Variants in ZFP30 observed in about 807,000 individuals in gnomAD.
ZFP30 encodes the protein ZFP30 zinc finger protein.
ZFP30 carries 16 observed loss-of-function variants against 12.3 expected under a neutral mutation model. That is an observed-to-expected ratio of 1.30 (90% CI 0.88 to 1.98). The LOEUF is 1.98. ZFP30 is among the 30% of genes most tolerant of loss of function. The pLI, the probability that ZFP30 is intolerant of heterozygous loss-of-function variation, is 0.00. For synonymous variants in ZFP30, 172 were observed against 201.0 expected (o/e 0.86, Z 1.22); for missense variants, 560 against 611.2 (o/e 0.92, Z 0.88).
chr19:37,637,037 C>T lies in ZFP30; in HGVS notation c.236-732G>A, dbSNP rs191740356. On this transcript the variant is annotated intron_variant, in intron 5 of 5. Transcript: ENST00000684514. ...AATCTTTCCACTTTTTGGAGCTTTT[C>T]ACTGGCTATTAAATCTCCCAGGAAT... Among the ~76,000 whole-genome samples, 11 of 151,992 alleles carry T rather than the reference C, an allele frequency of 7.2e-5. No individual in the cohort carries two copies. The East Asian group carries it at 2.1e-3, about 30-fold the overall frequency.
rs1264738349 is a variant in ZFP30 at position 37,631,455 on chromosome 19, T to C, written c.*3526A>G. On this transcript the variant is annotated 3_prime_UTR_variant, in exon 6 of 6. Transcript: ENST00000684514. ...AAATGCTATCAAGTTTCATATTCCA[T>C]TTGAGAAATGGAATATAATGATGTA... is the stretch of plus-strand genomic sequence containing the variant. 6.6e-6 allele frequency: 1 copy of C among 152,160 alleles called. No individual in the cohort carries two copies. Among genetic ancestry groups the C allele is most frequent in the Admixed American group, 6.6e-5 (1 of 15,264 alleles). The allele number at this position is 152,160 out of a possible 1,614,324, so 9.4% of individuals were successfully genotyped here.
intron 4 of ZFP30, among the ~76,000 whole-genome samples, chr19:37,643,805 T>C (rs1409839947): frequency 6.6e-6 from 1 of 152,178 alleles, no homozygotes; most frequent in Non-Finnish European, 1.5e-5. Context: ...GAAAAATAAG[T>C]TTCTTGCCAG....
chr19:37,645,779 G>GGT (rs1404430642), intron 3 of ZFP30, among the ~76,000 whole-genome samples: 1 of 150,664 alleles, frequency 6.6e-6, no homozygotes, highest in Non-Finnish European at 1.5e-5. Flanking sequence ...AATAATTGAT[G>GGT]GTATTCTCCC....
At chr19:37,653,419 C>T (rs1407179466) in intron 2 of ZFP30, among the ~76,000 whole-genome samples, 2 of 152,090 alleles carry the variant, frequency 1.3e-5, no homozygotes, top group Admixed American at 6.5e-5. Flanking sequence ...CATTAAATAC[C>T]TAGCAATTTA....
intron 5 of ZFP30, among the ~76,000 whole-genome samples, chr19:37,637,895 A>AT (rs572042837): frequency 1.4e-4 from 21 of 152,144 alleles, no homozygotes; most frequent in Non-Finnish European, 2.4e-4. Context: ...GGCAGAAACA[A>AT]TTTTTCACTC....
chr19:37,651,277 G>A (rs1191100788), intron 2 of ZFP30, among the ~76,000 whole-genome samples: 2 of 151,760 alleles, frequency 1.3e-5, no homozygotes, highest in Non-Finnish European at 2.9e-5. Context: ...GAAGCTCCTG[G>A]TATAAAATAG....
chr19:37,638,983 A>C (rs1568381407), intron 5 of ZFP30, among the ~76,000 whole-genome samples: 1 of 152,214 alleles, frequency 6.6e-6, no homozygotes, highest in Admixed American at 6.5e-5. Context: ...TTACTTTTAA[A>C]AAGTATACGC....
Position 37,635,459 on chromosome 19 carries a change from T to C in ZFP30, c.1082A>G (p.Lys361Arg), listed in dbSNP as rs1409944830. Residue 361 changes from lysine to arginine, a missense_variant, in exon 6 of 6, where the codon AAG (lysine) becomes AGG (arginine). Lys to Arg is a conservative substitution (Grantham distance 26). Coordinates refer to ENST00000684514, the MANE Select transcript of ZFP30 (RefSeq NM_001320669.3). ...TAGATGATAGCCACGACTGAAAGTC[T>C]TCCCACATTCCTTACAATCATAAGG... Reference protein sequence around the residue: ...EKPYDCKECGKTFSRGYHLTL... With the variant: ...EKPYDCKECGRTFSRGYHLTL... 6.2e-7 allele frequency: 1 copy of C among 1,614,206 alleles called. No homozygotes were observed. Among genetic ancestry groups the C allele is most frequent in the East Asian group, 2.2e-5 (1 of 44,878 alleles).
Position 37,635,254 on chromosome 19 carries a change from C to CT in ZFP30, c.1286dup (p.Ser430GlufsTer6). 1 of 1,614,122 alleles carries CT rather than the reference C, an allele frequency of 6.2e-7. No homozygotes were observed. The highest frequency in any genetic ancestry group is 2.2e-5 in the East Asian group (1 of 44,882). ...AGGGTTTCTCACCAAAATGAATACTCTGATGTTGAGTAAGCTGTGAGAACA... is the reference window on the plus strand; with the variant it reads ...AGGGTTTCTCACCAAAATGAATACTCTTGATGTTGAGTAAGCTGTGAGAACA... On this transcript the variant is annotated frameshift_variant, in exon 6 of 6. Coordinates refer to ENST00000684514, the MANE Select transcript of ZFP30 (RefSeq NM_001320669.3). LOFTEE classifies it high-confidence loss of function.
chr19:37,639,378 A>T (rs555960360), intron 5 of ZFP30, among the ~76,000 whole-genome samples: 4 of 152,228 alleles, frequency 2.6e-5, no homozygotes, highest in Non-Finnish European at 4.4e-5. Flanking sequence ...CCAGTCAAAA[A>T]TCGAATTAAA....
At position 37,632,093 on chromosome 19, in the gene ZFP30, G is replaced by A. The variant is rs1209470984; in HGVS notation, c.*2888C>T. 1 of 151,440 alleles carries A rather than the reference G, an allele frequency of 6.6e-6. No individual in the cohort carries two copies. Among genetic ancestry groups the A allele is most frequent in the Non-Finnish European group, 1.5e-5 (1 of 67,868 alleles). The allele number at this position is 151,440 out of a possible 1,614,324, so 9.4% of individuals were successfully genotyped here. A position where few individuals can be genotyped will look rare whatever the true frequency, so the allele number is the denominator to read the frequency against. On this transcript the variant is annotated 3_prime_UTR_variant, in exon 6 of 6. Coordinates refer to ENST00000684514, the MANE Select transcript of ZFP30 (RefSeq NM_001320669.3). ...GAGACCACTCTGGCTCAGGAGAGTA[G>A]GATTTTTTTTTTTTAAAGTTAGATT...
chr19:37,651,319 G>T (rs1195124291), intron 2 of ZFP30: 1 of 151,892 alleles, frequency 6.6e-6, no homozygotes, highest in African/African-American at 2.4e-5. Flanking sequence ...GCTCACACCT[G>T]TAATCCCAGC....
At position 37,636,369 on chromosome 19, in the gene ZFP30, T is replaced by C. The variant is rs555849103; in HGVS notation, c.236-64A>G. On this transcript the variant is annotated intron_variant, in intron 5 of 5. Transcript: ENST00000684514. Reference sequence around the variant, plus strand: ...ACACAAAATAAACAAACGAAAACTTTATAATAGAAATCGGTGACCAAAAAA... The same window carrying C: ...ACACAAAATAAACAAACGAAAACTTCATAATAGAAATCGGTGACCAAAAAA... 9 of 1,328,248 alleles carry C rather than the reference T, an allele frequency of 6.8e-6. No homozygotes were observed. In the African/African-American group the frequency reaches 1.2e-4, roughly 18 times the overall value. The allele number at this position is 1,328,248 out of a possible 1,614,324, so 82.3% of individuals were successfully genotyped here.
chr19:37,633,101 G>T lies in ZFP30; in HGVS notation c.*1880C>A, dbSNP rs937341189. On this transcript the variant is annotated 3_prime_UTR_variant, in exon 6 of 6. Coordinates refer to ENST00000684514, the MANE Select transcript of ZFP30 (RefSeq NM_001320669.3). ...GAGGAGAATGGCTTGAACCCGGGAGGCAGAGCTTGCAGTGAGCCGAGACTG... is the reference window on the plus strand; with the variant it reads ...GAGGAGAATGGCTTGAACCCGGGAGTCAGAGCTTGCAGTGAGCCGAGACTG... 1.3e-5 allele frequency: 2 copies of T among 150,484 alleles called. No homozygotes were observed. The highest frequency in any genetic ancestry group is 3.0e-5 in the Non-Finnish European group (2 of 67,778). 9.3% of individuals were successfully genotyped at this position (150,484 alleles called of 1,614,324 possible). A position where few individuals can be genotyped will look rare whatever the true frequency, so the allele number is the denominator to read the frequency against.
intron 2 of ZFP30, among the ~76,000 whole-genome samples, chr19:37,653,933 A>G (rs1014468420): frequency 6.6e-6 from 1 of 152,202 alleles, no homozygotes; most frequent in African/African-American, 2.4e-5. Context: ...GCTTGCAAGC[A>G]TCCATCATAA....
rs1372902370 is a variant in ZFP30 at position 37,633,640 on chromosome 19, G to C, written c.*1341C>G. 6.6e-6 allele frequency: 1 copy of C among 152,158 alleles called. No homozygotes were observed. The highest frequency in any genetic ancestry group is 2.1e-4 in the South Asian group (1 of 4,816). 9.4% of individuals were successfully genotyped at this position (152,158 alleles called of 1,614,324 possible). On this transcript the variant is annotated 3_prime_UTR_variant, in exon 6 of 6. Coordinates refer to ENST00000684514, the MANE Select transcript of ZFP30 (RefSeq NM_001320669.3). ...GCTGGGATTACAGGCATGAGCCACC[G>C]GGCCCAGCCAGAAATTTTTTTTAAA...
At position 37,634,810 on chromosome 19, in the gene ZFP30, G is replaced by T; in HGVS notation, c.*171C>A. On this transcript the variant is annotated 3_prime_UTR_variant, in exon 6 of 6. Coordinates refer to ENST00000684514, the MANE Select transcript of ZFP30 (RefSeq NM_001320669.3). ...CCTAAAGTTTAACATGGTTTCAAAG[G>T]TGATGAAAGGCTTCTATATGTTCAT... 1 of 663,186 alleles carries T rather than the reference G, an allele frequency of 1.5e-6. No individual in the cohort carries two copies. The highest frequency in any genetic ancestry group is 2.2e-6 in the Non-Finnish European group (1 of 444,864). The allele number at this position is 663,186 out of a possible 1,614,324, so 41.1% of individuals were successfully genotyped here.
chr19:37,648,366 T>C (rs536006381), intron 2 of ZFP30, among the ~76,000 whole-genome samples: 1 of 152,286 alleles, frequency 6.6e-6, no homozygotes, highest in South Asian at 2.1e-4. Flanking sequence ...TAGACAAGAA[T>C]TTCCCAAACT....
chr19:37,638,624 T>C (rs1385257259), intron 5 of ZFP30, among the ~76,000 whole-genome samples: 5 of 152,232 alleles, frequency 3.3e-5, no homozygotes, highest in African/African-American at 1.2e-4. Flanking sequence ...TGATGGCATA[T>C]TAATACATCG....
Sources: gnomAD v4.1 joint callset for allele counts (sites outside exome capture counted in the v4.1 genomes callset) on GRCh38, gnomAD v4.1.1 for gene constraint, MANE v1.5 for transcripts, NCBI Gene and HGNC (gene_info 2026-07-23, HGNC 2026-07-21) for gene names.